Variants in TLL1 observed in about 807,000 individuals in gnomAD.
The protein encoded by TLL1 is tolloid like 1.
TLL1 carries 49 observed loss-of-function variants against 128.2 expected under a neutral mutation model. The observed-to-expected ratio is 0.38, with a 90% CI of 0.30 to 0.48. TLL1 has a LOEUF of 0.48. Among genes scored for constraint, TLL1 ranks in the 20% least tolerant of loss-of-function variants. TLL1 has a pLI of 0.96. For missense variants in TLL1, 1,123 were observed against 1,242.0 expected (o/e 0.90, Z 1.44); for synonymous variants, 454 against 418.8 (o/e 1.08, Z -1.03).
chr4:165,886,404 A>T (rs1474537546), intron 1 of TLL1, among the ~76,000 whole-genome samples: 1 of 152,180 alleles, frequency 6.6e-6, no homozygotes, highest in Non-Finnish European at 1.5e-5. Flanking sequence ...TTTGTATATG[A>T]TATGTTTCAG....
chr4:166,041,599 G>A (rs1363255973), intron 10 of TLL1, among the ~76,000 whole-genome samples: 4 of 151,872 alleles, frequency 2.6e-5, no homozygotes, highest in African/African-American at 4.8e-5. Context: ...GTGCCTGGCC[G>A]AGAGCACATT....
At chr4:165,878,158 A>G (rs1425011209) in intron 1 of TLL1, among the ~76,000 whole-genome samples, 15 of 152,050 alleles carry the variant, frequency 9.9e-5, no homozygotes, top group Admixed American at 8.5e-4. Flanking sequence ...TTTGGCCCTC[A>G]GTGTTGTACT....
intron 19 of TLL1, among the ~76,000 whole-genome samples, chr4:166,098,479 C>A (rs1437914554): frequency 6.6e-6 from 1 of 152,012 alleles, no homozygotes; most frequent in East Asian, 1.9e-4. Context: ...TTACCTTGAG[C>A]AACAAAGTTC....
intron 1 of TLL1, among the ~76,000 whole-genome samples, chr4:165,885,743 TATATTGGG>T (rs1454720103): frequency 1.6e-4 from 24 of 152,212 alleles, no homozygotes; most frequent in African/African-American, 5.3e-4. Flanking sequence ...AATGGATTGG[TATATTGGG>T]ATGAGGGAAA....
intron 1 of TLL1, among the ~76,000 whole-genome samples, chr4:165,987,471 C>T (rs1442688055): frequency 2.6e-5 from 4 of 152,008 alleles, no homozygotes; most frequent in African/African-American, 4.8e-5. Flanking sequence ...ATCAAAACCA[C>T]CCTCTTAGCT....
At chr4:165,982,099 T>C (rs1033776507) in intron 1 of TLL1, among the ~76,000 whole-genome samples, 2 of 152,012 alleles carry the variant, frequency 1.3e-5, no homozygotes, top group Non-Finnish European at 2.9e-5. Context: ...ATGTGATTGA[T>C]AGACAATAAG....
chr4:166,090,432 TACAAC>T (rs1741711248), intron 18 of TLL1, among the ~76,000 whole-genome samples: 1 of 152,058 alleles, frequency 6.6e-6, no homozygotes. Context: ...AGATGAAAAT[TACAAC>T]ACAGGTAAAT....
At chr4:165,947,265 A>C (rs1197580671) in intron 1 of TLL1, among the ~76,000 whole-genome samples, 1 of 152,030 alleles carries the variant, frequency 6.6e-6, no homozygotes, top group East Asian at 1.9e-4. Context: ...AATCCTATCA[A>C]ATCAAGACCC....
intron 1 of TLL1, among the ~76,000 whole-genome samples, chr4:165,978,812 G>A (rs773774090): frequency 6.6e-5 from 10 of 152,154 alleles, no homozygotes; most frequent in Non-Finnish European, 1.5e-4. Flanking sequence ...TCTTGTCAGT[G>A]ATTTTGACAT....
chr4:165,973,873 T>A (rs1735745020), intron 1 of TLL1, among the ~76,000 whole-genome samples: 1 of 151,878 alleles, frequency 6.6e-6, no homozygotes, highest in South Asian at 2.1e-4. Flanking sequence ...ACCATATTGG[T>A]CAGGCTGGTT....
At chr4:165,947,268 C>G (rs931717361) in intron 1 of TLL1, among the ~76,000 whole-genome samples, 1 of 152,072 alleles carries the variant, frequency 6.6e-6, no homozygotes, top group Non-Finnish European at 1.5e-5. Flanking sequence ...CCTATCAAAT[C>G]AAGACCCCAT....
At chr4:166,027,576 TAA>T (rs1738564894) in intron 9 of TLL1, among the ~76,000 whole-genome samples, 1 of 152,206 alleles carries the variant, frequency 6.6e-6, no homozygotes, top group African/African-American at 2.4e-5. Context: ...TTAAAAATTA[TAA>T]GTGTTGTAAT....
At chr4:166,079,604 T>C (rs1741196036) in intron 18 of TLL1, among the ~76,000 whole-genome samples, 1 of 152,170 alleles carries the variant, frequency 6.6e-6, no homozygotes, top group Non-Finnish European at 1.5e-5. Flanking sequence ...CAGGTGTATG[T>C]GTTTGTGTGT....
intron 1 of TLL1, among the ~76,000 whole-genome samples, chr4:165,897,845 T>C (rs1731757664): frequency 6.6e-6 from 1 of 152,120 alleles, no homozygotes; most frequent in Non-Finnish European, 1.5e-5. Flanking sequence ...ATGATGTTGA[T>C]TTTTCCTACC....
intron 1 of TLL1, among the ~76,000 whole-genome samples, chr4:165,948,518 CT>C (rs1005519702): frequency 6.6e-6 from 1 of 152,106 alleles, no homozygotes; most frequent in African/African-American, 2.4e-5. Context: ...GTTATGGAGG[CT>C]GAGAAACCCA....
At chr4:165,973,433 A>C (rs1043637450) in intron 1 of TLL1, among the ~76,000 whole-genome samples, 1 of 151,904 alleles carries the variant, frequency 6.6e-6, no homozygotes, top group Non-Finnish European at 1.5e-5. Flanking sequence ...CGAGTCCTTG[A>C]GTATTCTCTG....
chr4:166,017,673 C>A (rs1002548107), intron 8 of TLL1, among the ~76,000 whole-genome samples: 17 of 151,014 alleles, frequency 1.1e-4, no homozygotes, highest in Admixed American at 7.9e-4. Context: ...ACAAATAGCC[C>A]CCTCCCTTCC....
chr4:166,021,519 G>A (rs1013313939), intron 8 of TLL1, among the ~76,000 whole-genome samples: 6 of 143,810 alleles, frequency 4.2e-5, no homozygotes, highest in Admixed American at 2.9e-4. Context: ...TGCAACCTCC[G>A]CCTCCTGGGT....
At position 165,978,749 on chromosome 4, in the gene TLL1, C is replaced by G. The variant is rs140639798; in HGVS notation, c.170-10632C>G. Among the ~76,000 whole-genome samples, 319 of 152,292 alleles carry G rather than the reference C, an allele frequency of 2.1e-3. 1 individual carries two copies. The highest frequency in any genetic ancestry group is 7.5e-3 in the African/African-American group (310 of 41,572). On this transcript the variant is annotated intron_variant, in intron 1 of 20. Transcript: ENST00000061240. ...GTTGTAAATTGGATTCTGCAAAACT[C>G]TCTCCCAATTTTAGCTGTTCTCAGG...
Sources: gnomAD v4.1 joint callset for allele counts (sites outside exome capture counted in the v4.1 genomes callset) on GRCh38, gnomAD v4.1.1 for gene constraint, MANE v1.5 for transcripts, NCBI Gene and HGNC (gene_info 2026-07-23, HGNC 2026-07-21) for gene names.